SMARCAL1: variants seen among roughly 807,000 people sequenced by gnomAD.
SMARCAL1 encodes the protein ATP-driven annealing helicase.
A neutral mutation model predicts 94.5 loss-of-function variants in SMARCAL1; 58 were observed. The observed-to-expected ratio is 0.61, with a 90% CI of 0.50 to 0.76. The LOEUF (loss-of-function observed/expected upper bound fraction) is 0.76, where lower values mean the gene tolerates loss of function less well. Ranked by LOEUF, SMARCAL1 falls within the 30% of genes least tolerant of loss-of-function variation. The pLI is 0.00. For missense variants in SMARCAL1, 1,051 were observed against 1,177.9 expected, an observed-to-expected ratio of 0.89 and a Z score of 1.58; for synonymous variants, 422 against 455.1, an observed-to-expected ratio of 0.93 and a Z score of 0.93.
intron 13 of SMARCAL1, 144 bp from the exon 14 acceptor site, chr2:216,467,800 T>C (rs778344830): frequency 1.0e-5 from 7 of 667,730 alleles, no homozygotes; most frequent in African/African-American, 1.8e-5. Flanking sequence ...TAAAACACAT[T>C]ATAATGATAG....
At position 216,415,300 on chromosome 2, in the gene SMARCAL1, C is replaced by T; in HGVS notation, c.596C>T (p.Pro199Leu). The part of the protein sequence containing the change: ...KLEAKTAKAS[P>L]SGQNISYIHS... ...GAGGCCAAGACAGCAAAAGCCTCCC[C>T]TTCGGGGCAGAACATTTCTTACATC... The change falls in exon 3 of 18, where the codon CCT becomes CTT. Residue 199 changes from proline (P) to leucine (L), a missense_variant. Physicochemically the swap from Pro to Leu is moderately conservative, Grantham distance 98. Around this residue, in one of 3 missense-constraint regions of SMARCAL1, gnomAD observed 398 missense variants for 395.2 expected, o/e 1.01. Transcript: ENST00000357276. 6.2e-7 allele frequency: 1 copy of T among 1,614,266 alleles called. No homozygotes were observed. The highest frequency in any genetic ancestry group is 8.5e-7 in the Non-Finnish European group (1 of 1,180,036).
At chr2:216,456,056 T>TA (rs1694560086) in intron 12 of SMARCAL1, among the ~76,000 whole-genome samples, 1 of 152,150 alleles carries the variant, frequency 6.6e-6, no homozygotes, top group Non-Finnish European at 1.5e-5. Flanking sequence ...GACGAATGCA[T>TA]AAGCTTCAGT....
chr2:216,454,698 A>G lies in SMARCAL1; in HGVS notation c.2070+3634A>G, dbSNP rs199976181. Among the ~76,000 whole-genome samples, 5 of 152,316 alleles carry G rather than the reference A, an allele frequency of 3.3e-5. No individual in the cohort carries two copies. The East Asian group carries it at 5.8e-4, about 18-fold the overall frequency. ...TAGTTGTTATTTTTATTACTATACT[A>G]TAAAAAAGAATCATCTTGGGGCGGT... On this transcript the variant is annotated intron_variant, in intron 12 of 17. Coordinates refer to ENST00000357276, the MANE Select transcript of SMARCAL1 (RefSeq NM_014140.4).
intron 12 of SMARCAL1, among the ~76,000 whole-genome samples, chr2:216,453,431 G>A (rs1002879760): frequency 6.6e-6 from 1 of 152,204 alleles, no homozygotes; most frequent in African/African-American, 2.4e-5. Flanking sequence ...AAACAGATTT[G>A]TGTGTTTGTG....
chr2:216,464,489 G>C (rs1006051859), intron 12 of SMARCAL1, 108 bp from the exon 13 acceptor site: 2 of 859,090 alleles, frequency 2.3e-6, no homozygotes, highest in East Asian at 2.4e-5. Flanking sequence ...CCTGACTCTG[G>C]TGACGGGTGG....
chr2:216,438,826 G>C (rs1172879133), intron 10 of SMARCAL1, among the ~76,000 whole-genome samples: 14 of 152,088 alleles, frequency 9.2e-5, no homozygotes, highest in Admixed American at 9.2e-4. Context: ...CTAGCAGCTT[G>C]TCCACTAATT....
chr2:216,416,977 C>T (rs1021929938), intron 4 of SMARCAL1, among the ~76,000 whole-genome samples: 4 of 152,248 alleles, frequency 2.6e-5, no homozygotes, highest in African/African-American at 9.6e-5. Context: ...GTACATGGAG[C>T]TTGCACACCT....
intron 11 of SMARCAL1, 95 bp downstream of exon 11, chr2:216,447,253 G>A: frequency 7.0e-7 from 1 of 1,431,390 alleles, no homozygotes; most frequent in Non-Finnish European, 9.8e-7. Flanking sequence ...GATATGGTCA[G>A]AAGAGCACTG....
At chr2:216,445,416 A>AG (rs750715667) in intron 10 of SMARCAL1, among the ~76,000 whole-genome samples, 2 of 152,104 alleles carry the variant, frequency 1.3e-5, no homozygotes, top group Non-Finnish European at 2.9e-5. Flanking sequence ...TCTCTAGTCT[A>AG]GGGAGTGTAT....
Position 216,428,660 on chromosome 2 carries a change from G to A in SMARCAL1, c.1212G>A (p.Ala404=), listed in dbSNP as rs2066525. The change falls in exon 7 of 18, where the codon GCG becomes GCA. Residue 404 remains alanine (A), a synonymous_variant. Transcript: ENST00000357276. ...LDPLPTTLTL[A]FASQLKKTSL... is the part of the protein sequence containing the mutation. ...CTCTGCCCACGACTCTCACCCTGGC[G>A]TTTGCTTCTCAGCTCAAGAAGACAT... is the stretch of plus-strand genomic sequence containing the variant. The A allele has an allele frequency of 5.2e-4, 843 of 1,614,174 alleles. 2 individuals are homozygous for A. The African/African-American group carries it at 8.1e-3, about 16-fold the overall frequency.
At chr2:216,433,826 C>T (rs1161111520) in intron 8 of SMARCAL1, among the ~76,000 whole-genome samples, 1 of 151,918 alleles carries the variant, frequency 6.6e-6, no homozygotes, top group South Asian at 2.1e-4. Flanking sequence ...GGGACTTCTT[C>T]CTGAGGCCTC....
chr2:216,438,455 C>T lies in SMARCAL1; in HGVS notation c.1680C>T (p.Ala560=). Residue 560 remains alanine, a synonymous_variant, in exon 10 of 18, where the codon GCC becomes GCT. Coordinates refer to ENST00000357276, the MANE Select transcript of SMARCAL1 (RefSeq NM_014140.4). Reference sequence around the variant, plus strand: ...ACTTCCTCAAAAACAGTAGGACTGCCCGCTGTCGAGCAGCTATGCCGGTCC... The same window carrying T: ...ACTTCCTCAAAAACAGTAGGACTGCTCGCTGTCGAGCAGCTATGCCGGTCC... ...ESHFLKNSRT[A]RCRAAMPVLK... 6.2e-7 allele frequency: 1 copy of T among 1,614,096 alleles called. No individual in the cohort carries two copies. The highest frequency in any genetic ancestry group is 8.5e-7 in the Non-Finnish European group (1 of 1,180,002).
intron 6 of SMARCAL1, among the ~76,000 whole-genome samples, chr2:216,428,361 C>CT (rs370804030): frequency 7.9e-5 from 12 of 152,122 alleles, no homozygotes; most frequent in African/African-American, 2.9e-4. Context: ...AGACTACATT[C>CT]TTTCAAAAAG....
intron 4 of SMARCAL1, among the ~76,000 whole-genome samples, chr2:216,417,526 C>T (rs1413194875): frequency 1.3e-5 from 2 of 152,162 alleles, no homozygotes; most frequent in Non-Finnish European, 2.9e-5. Flanking sequence ...TAGAAGAACA[C>T]CAGTCATTGG....
chr2:216,445,509 AAC>A (rs1694291088), intron 10 of SMARCAL1, among the ~76,000 whole-genome samples: 1 of 152,182 alleles, frequency 6.6e-6, no homozygotes, highest in East Asian at 1.9e-4. Context: ...CTGATTCATG[AAC>A]TGTTTTTGCC....
chr2:216,420,933 C>G (rs1301819524), intron 5 of SMARCAL1, among the ~76,000 whole-genome samples: 2 of 152,200 alleles, frequency 1.3e-5, no homozygotes, highest in Non-Finnish European at 2.9e-5. Flanking sequence ...CAGGGAACTG[C>G]CTGCAGGGGT....
In SMARCAL1 at chr2:216,423,645, G is replaced by C; in HGVS notation, c.1109G>C (p.Arg370Thr). ...MDSRRYDVKT[R>T]KWSFLLEEHS... ...CTTGTCATTGCAGATGTCAAGACCA[G>C]GAAGTGGAGCTTTCTCTTGGAAGAG... The change falls in exon 6 of 18, where the codon AGG becomes ACG. Residue 370 changes from arginine to threonine, a missense_variant. This residue lies in a region of SMARCAL1 where 642 missense variants were observed against 754.7 expected (regional missense o/e 0.85). Transcript: ENST00000357276. The C allele has an allele frequency of 6.2e-7, 1 of 1,613,994 alleles. No homozygotes were observed. The highest frequency in any genetic ancestry group is 8.5e-7 in the Non-Finnish European group (1 of 1,179,866).
At chr2:216,479,389 G>A (rs1438408689) in intron 17 of SMARCAL1, 1 of 151,422 alleles carries the variant, frequency 6.6e-6, no homozygotes, top group Non-Finnish European at 1.5e-5. Flanking sequence ...TAGCCATGAT[G>A]GTCACTGTAC....
chr2:216,446,668 G>A (rs1385605421), intron 10 of SMARCAL1: 1 of 476,786 alleles, frequency 2.1e-6, no homozygotes, highest in Admixed American at 2.3e-5. Flanking sequence ...GCAGCATACG[G>A]TGAACATTTA....
Sources: gnomAD v4.1 joint callset for allele counts (sites outside exome capture counted in the v4.1 genomes callset) on GRCh38, gnomAD v4.1.1 for gene constraint, gnomAD v4.1.1 regional missense constraint, MANE v1.5 for transcripts, NCBI Gene and HGNC (gene_info 2026-07-23, HGNC 2026-07-21) for gene names.